HECW2: variants seen among roughly 807,000 people sequenced by gnomAD.
HECW2 encodes the protein HECT, C2 and WW domain containing E3 ubiquitin protein ligase 2.
HECW2 carries 61 observed loss-of-function variants against 175.2 expected under a neutral mutation model. The observed-to-expected ratio is 0.35, with a 90% confidence interval of 0.28 to 0.43. The LOEUF is 0.43. Ranked by LOEUF, HECW2 falls within the 20% of genes least tolerant of loss-of-function variation. The pLI, the probability that HECW2 is intolerant of heterozygous loss-of-function variation, is 1.00. For missense variants in HECW2, 1,524 were observed against 2,000.5 expected, an observed-to-expected ratio of 0.76 and a Z score of 4.54; for synonymous variants, 671 against 731.0, an observed-to-expected ratio of 0.92 and a Z score of 1.32.
chr2:196,298,681 T>A (rs78599558), intron 13 of HECW2, among the ~76,000 whole-genome samples: 1,650 of 152,304 alleles, frequency 0.011, 29 homozygotes, highest in African/African-American at 0.038. Context: ...CGGTGTGTGA[T>A]GTTCCCCTTC....
chr2:196,390,758 C>T (rs1026351892), intron 2 of HECW2, among the ~76,000 whole-genome samples: 1 of 152,264 alleles, frequency 6.6e-6, no homozygotes, highest in African/African-American at 2.4e-5. Flanking sequence ...CAAAACATGT[C>T]ACCATAAGAA....
intron 1 of HECW2, among the ~76,000 whole-genome samples, chr2:196,571,461 C>G (rs966586714): frequency 6.6e-6 from 1 of 152,184 alleles, no homozygotes. Context: ...CTAATCCCAG[C>G]ACTTTCGGAG....
At chr2:196,237,570 T>C (rs866389960) in intron 21 of HECW2, among the ~76,000 whole-genome samples, 2 of 152,246 alleles carry the variant, frequency 1.3e-5, no homozygotes, top group African/African-American at 2.4e-5. Flanking sequence ...ATATATACCA[T>C]GTTGGCTCTA....
intron 1 of HECW2, among the ~76,000 whole-genome samples, chr2:196,459,213 T>C (rs1187361483): frequency 6.6e-6 from 1 of 152,174 alleles, no homozygotes; most frequent in Non-Finnish European, 1.5e-5. Context: ...AAGGCATCTT[T>C]GAGGCAGTAA....
intron 2 of HECW2, among the ~76,000 whole-genome samples, chr2:196,414,515 G>C (rs1325658080): frequency 2.6e-5 from 4 of 152,188 alleles, no homozygotes; most frequent in Non-Finnish European, 5.9e-5. Context: ...AGTGTGGAGT[G>C]TCTCTCTTTC....
rs1690010238 is a variant in HECW2 at position 196,277,707 on chromosome 2, C to A, written c.3135+821G>T. ...TTTACTGTGGCACTACTCACAATAGCAAAGACTTGGAACCAATCCAAATGT... is the reference window on the plus strand; with the variant it reads ...TTTACTGTGGCACTACTCACAATAGAAAAGACTTGGAACCAATCCAAATGT... On this transcript the variant is annotated intron_variant, in intron 15 of 28. Coordinates refer to ENST00000644978, the MANE Select transcript of HECW2 (RefSeq NM_001348768.2). Among the ~76,000 whole-genome samples the A allele has an allele frequency of 6.6e-5, 10 of 152,106 alleles. No homozygotes were observed. The South Asian group carries it at 1.9e-3, about 28-fold the overall frequency.
chr2:196,562,949 G>T (rs572968076), intron 1 of HECW2, among the ~76,000 whole-genome samples: 18 of 152,168 alleles, frequency 1.2e-4, no homozygotes, highest in African/African-American at 3.9e-4. Context: ...AGGCCAAGGT[G>T]GAAGGATAGC....
At chr2:196,221,835 C>T (rs1385760725) in intron 24 of HECW2, among the ~76,000 whole-genome samples, 2 of 152,184 alleles carry the variant, frequency 1.3e-5, no homozygotes, top group Non-Finnish European at 2.9e-5. Context: ...GCTGGGATTA[C>T]AGGCATGAGC....
At position 196,514,381 on chromosome 2, in the gene HECW2, G is replaced by A. The variant is rs541690650; in HGVS notation, c.-36+79127C>T. On this transcript the variant is annotated intron_variant, in intron 1 of 28. Transcript: ENST00000644978. ...ACCACAGTGGGGCTGAGGGCGGCTC[G>A]GCACAGGCCTGTAGGCGCTCCTCAG... is the stretch of plus-strand genomic sequence containing the variant. Among the ~76,000 whole-genome samples the A allele has an allele frequency of 8.5e-5, 13 of 152,292 alleles. No homozygotes were observed. In the South Asian group the frequency reaches 1.7e-3, roughly 19 times the overall value.
At chr2:196,559,552 C>T (rs1689926882) in intron 1 of HECW2, among the ~76,000 whole-genome samples, 1 of 152,200 alleles carries the variant, frequency 6.6e-6, no homozygotes, top group African/African-American at 2.4e-5. Flanking sequence ...TGTCATGGAA[C>T]AGACGAGGCT....
At chr2:196,516,640 C>T (rs1688159255) in intron 1 of HECW2, among the ~76,000 whole-genome samples, 1 of 152,106 alleles carries the variant, frequency 6.6e-6, no homozygotes, top group Non-Finnish European at 1.5e-5. Context: ...AACATTAGTC[C>T]CTTACTGAAA....
intron 1 of HECW2, among the ~76,000 whole-genome samples, chr2:196,523,238 T>C (rs1436718850): frequency 2.0e-5 from 3 of 152,080 alleles, no homozygotes; most frequent in Non-Finnish European, 2.9e-5. Flanking sequence ...TTTGAAGCAA[T>C]TGTGAATGGG....
intron 1 of HECW2, among the ~76,000 whole-genome samples, chr2:196,463,405 C>CAAAA (rs34754004): frequency 1.8e-5 from 1 of 55,568 alleles, no homozygotes. Context: ...CTCTACCCTG[C>CAAAA]AAAAAAAAAA....
At chr2:196,241,196 T>C (rs1559458015) in intron 20 of HECW2, among the ~76,000 whole-genome samples, 3 of 152,208 alleles carry the variant, frequency 2.0e-5, no homozygotes. Context: ...GCTCTTAATG[T>C]AAATGGTAAT....
At chr2:196,433,501 G>A (rs1379033978) in intron 1 of HECW2, 43 bp from the exon 2 acceptor site, 10 of 1,394,344 alleles carry the variant, frequency 7.2e-6, no homozygotes, top group Middle Eastern at 2.6e-4. Context: ...GCTACAATAC[G>A]AAGAATCAGA....
chr2:196,231,906 G>A (rs865956990), intron 21 of HECW2, among the ~76,000 whole-genome samples: 8 of 152,172 alleles, frequency 5.3e-5, no homozygotes, highest in Non-Finnish European at 5.9e-5. Context: ...GGAGAATGGC[G>A]TGAACCCAGG....
intron 14 of HECW2, among the ~76,000 whole-genome samples, chr2:196,283,720 C>T (rs1334224411): frequency 6.6e-6 from 1 of 152,088 alleles, no homozygotes; most frequent in Non-Finnish European, 1.5e-5. Flanking sequence ...ATGGGTTTTC[C>T]ACTACAATAC....
chr2:196,492,116 T>G (rs1473932936), intron 1 of HECW2, among the ~76,000 whole-genome samples: 1 of 152,186 alleles, frequency 6.6e-6, no homozygotes, highest in East Asian at 1.9e-4. Context: ...ACAAAACAAT[T>G]TAACATAGTC....
At chr2:196,452,895 T>A (rs571238018) in intron 1 of HECW2, among the ~76,000 whole-genome samples, 31 of 152,046 alleles carry the variant, frequency 2.0e-4, no homozygotes, top group Middle Eastern at 3.4e-3. Context: ...ATCTTCTAAT[T>A]TGAGCAAATC....
Sources: allele counts gnomAD v4.1 joint callset (sites outside exome capture counted in the v4.1 genomes callset), GRCh38; gene constraint gnomAD v4.1.1; transcripts MANE v1.5; gene names NCBI Gene and HGNC (gene_info 2026-07-23, HGNC 2026-07-21).